Variants in RNF220 observed in about 807,000 individuals in gnomAD.
RNF220 encodes the protein E3 ubiquitin-protein ligase RNF220.
In RNF220, 7 loss-of-function variants were observed where a neutral mutation model predicts 67.1. The observed-to-expected ratio is 0.10, with a 90% CI of 0.06 to 0.20. RNF220 has a LOEUF of 0.20. RNF220 is among the 10% of genes least tolerant of loss of function. RNF220 has a pLI of 1.00. For missense variants in RNF220, 565 were observed against 740.3 expected, an observed-to-expected ratio of 0.76 and a Z score of 2.75; for synonymous variants, 270 against 283.2, an observed-to-expected ratio of 0.95 and a Z score of 0.47.
chr1:44,594,328 C>T (rs1030582857), intron 2 of RNF220, among the ~76,000 whole-genome samples: 1 of 152,182 alleles, frequency 6.6e-6, no homozygotes, highest in African/African-American at 2.4e-5. Flanking sequence ...ATCCTACCCC[C>T]TTCACCTGCA....
chr1:44,454,470 T>C lies in RNF220; in HGVS notation c.625+41748T>C, dbSNP rs1467389418. Among the ~76,000 whole-genome samples the C allele has an allele frequency of 2.0e-5, 3 of 152,170 alleles. No homozygotes were observed. The East Asian group carries it at 5.8e-4, about 29-fold the overall frequency. ...CTATTGAAAATTAAATCCCCCTTTT[T>C]TTCCTTCTAATACTATTTACCTGTG... On this transcript the variant is annotated intron_variant, in intron 2 of 14. Coordinates refer to ENST00000361799, the MANE Select transcript of RNF220 (RefSeq NM_018150.4).
intron 2 of RNF220, among the ~76,000 whole-genome samples, chr1:44,553,858 T>C (rs1344879558): frequency 2.0e-5 from 3 of 152,186 alleles, no homozygotes; most frequent in Non-Finnish European, 4.4e-5. Context: ...GAGCTGTTAC[T>C]ACCCCTGGGA....
At chr1:44,464,717 C>G (rs147403829) in intron 2 of RNF220, among the ~76,000 whole-genome samples, 299 of 152,330 alleles carry the variant, frequency 2.0e-3, no homozygotes, top group African/African-American at 6.7e-3. Context: ...CCTCACTCCC[C>G]ACTCTTACCA....
intron 2 of RNF220, among the ~76,000 whole-genome samples, chr1:44,574,407 C>T (rs550858011): frequency 2.6e-5 from 4 of 152,224 alleles, no homozygotes; most frequent in Admixed American, 6.5e-5. Flanking sequence ...CATGTTTATC[C>T]TGTGCTTCCT....
At chr1:44,566,292 T>C (rs1446407353) in intron 2 of RNF220, among the ~76,000 whole-genome samples, 2 of 152,122 alleles carry the variant, frequency 1.3e-5, no homozygotes, top group African/African-American at 4.8e-5. Flanking sequence ...GAGATCAAGA[T>C]CGAGCTGTTG....
chr1:44,571,408 C>T (rs1229820879), intron 2 of RNF220, among the ~76,000 whole-genome samples: 1 of 152,194 alleles, frequency 6.6e-6, no homozygotes, highest in Admixed American at 6.5e-5. Flanking sequence ...CACCTGCTGT[C>T]ACTCTCAGCA....
chr1:44,410,081 A>G lies in RNF220; in HGVS notation c.-117-1900A>G, dbSNP rs576421890. ...TGTCCGGTGCTGTCACCAGATTCCT[A>G]ATTTATGAAACTCATTTAAGATAAT... On this transcript the variant is annotated intron_variant, in intron 1 of 14. Transcript: ENST00000361799. Among the ~76,000 whole-genome samples, 3 of 152,220 alleles carry G rather than the reference A, an allele frequency of 2.0e-5. No homozygotes were observed. The East Asian group carries it at 5.8e-4, about 29-fold the overall frequency.
chr1:44,614,135 C>G (rs748044027), intron 2 of RNF220, 30 bp from the exon 3 acceptor site: 1 of 1,613,296 alleles, frequency 6.2e-7, no homozygotes, highest in Non-Finnish European at 8.5e-7. Context: ...GCCCAGCTTA[C>G]GCGTCTGTCT....
At chr1:44,441,289 A>G (rs1324841464) in intron 2 of RNF220, among the ~76,000 whole-genome samples, 1 of 152,134 alleles carries the variant, frequency 6.6e-6, no homozygotes, top group East Asian at 1.9e-4. Context: ...TGAGCCAGGA[A>G]AGTCATGCCT....
At chr1:44,505,481 G>C (rs574854193) in intron 2 of RNF220, among the ~76,000 whole-genome samples, 1 of 152,254 alleles carries the variant, frequency 6.6e-6, no homozygotes, top group Non-Finnish European at 1.5e-5. Flanking sequence ...GTTCCATCAC[G>C]CGTTAACCCC....
intron 2 of RNF220, among the ~76,000 whole-genome samples, chr1:44,476,409 A>G (rs1272740492): frequency 6.6e-6 from 1 of 152,244 alleles, no homozygotes; most frequent in Non-Finnish European, 1.5e-5. Context: ...GATTAAAGTC[A>G]AAGATCTTGA....
chr1:44,486,994 A>C (rs1202797724), intron 2 of RNF220, among the ~76,000 whole-genome samples: 1 of 152,252 alleles, frequency 6.6e-6, no homozygotes, highest in East Asian at 1.9e-4. Flanking sequence ...AATTAACAGC[A>C]GCAAACTGCT....
At chr1:44,517,179 C>T (rs1659518597) in intron 2 of RNF220, among the ~76,000 whole-genome samples, 1 of 152,134 alleles carries the variant, frequency 6.6e-6, no homozygotes, top group African/African-American at 2.4e-5. Context: ...TGATTTCTCC[C>T]TTCCATCCTT....
chr1:44,632,400 G>GCCCCAGCCCCCCCC lies in RNF220; in HGVS notation c.949+19_949+20insAGCCCCCCCCCCCC. 3 of 1,607,448 alleles carry GCCCCAGCCCCCCCC rather than the reference G, an allele frequency of 1.9e-6. No homozygotes were observed. Among genetic ancestry groups the GCCCCAGCCCCCCCC allele is most frequent in the East Asian group, 2.2e-5 (1 of 44,632 alleles). ...CCGACTGAATGGTGAGTCCTGCCCG[G>GCCCCAGCCCCCCCC]CCCCTCCCTCCGCCCCACCCCCGGC... On this transcript the variant is annotated intron_variant, in intron 6 of 14. Transcript: ENST00000361799.
At chr1:44,539,504 G>A (rs1661514522) in intron 2 of RNF220, among the ~76,000 whole-genome samples, 1 of 152,176 alleles carries the variant, frequency 6.6e-6, no homozygotes. Context: ...ACGTAGCCTG[G>A]AGCCCACCGT....
chr1:44,481,514 C>T (rs1485347213), intron 2 of RNF220, among the ~76,000 whole-genome samples: 3 of 152,150 alleles, frequency 2.0e-5, no homozygotes, highest in Non-Finnish European at 4.4e-5. Context: ...GAGAAGGGAA[C>T]AACACGCACA....
intron 3 of RNF220, among the ~76,000 whole-genome samples, chr1:44,614,653 A>G (rs1161654578): frequency 6.6e-6 from 1 of 152,168 alleles, no homozygotes; most frequent in African/African-American, 2.4e-5. Flanking sequence ...GGCCCCTCAG[A>G]AGTGCAGCCA....
chr1:44,555,225 G>C (rs956740778), intron 2 of RNF220, among the ~76,000 whole-genome samples: 4 of 151,892 alleles, frequency 2.6e-5, no homozygotes, highest in African/African-American at 9.7e-5. Context: ...ACGACACCAC[G>C]CCTAGCTAAG....
intron 6 of RNF220, among the ~76,000 whole-genome samples, chr1:44,634,002 G>A (rs553929499): frequency 6.6e-6 from 1 of 152,394 alleles, no homozygotes; most frequent in South Asian, 2.1e-4. Flanking sequence ...ACACAGGAAA[G>A]TGAAGAGATG....
Sources: allele counts gnomAD v4.1 joint callset (sites outside exome capture counted in the v4.1 genomes callset), GRCh38; gene constraint gnomAD v4.1.1; transcripts MANE v1.5; gene names NCBI Gene and HGNC (gene_info 2026-07-23, HGNC 2026-07-21).